Variants in DNM3 observed in about 807,000 individuals in gnomAD.
DNM3 encodes the protein dynamin-3.
Under a neutral mutation model 101.6 loss-of-function variants are expected in DNM3, and 47 were observed. The observed-to-expected ratio is 0.46, with a 90% CI of 0.37 to 0.59. The LOEUF (loss-of-function observed/expected upper bound fraction) is 0.59, where lower values mean the gene tolerates loss of function less well. Ranked by LOEUF, DNM3 falls within the 20% of genes least tolerant of loss-of-function variation. The probability of loss-of-function intolerance (pLI) is 0.00; values close to 1 mark genes in which losing one functional copy is unlikely to be tolerated. For missense variants in DNM3, 849 were observed against 1,085.7 expected, an observed-to-expected ratio of 0.78 and a Z score of 3.06; for synonymous variants, 385 against 387.9, an observed-to-expected ratio of 0.99 and a Z score of 0.09.
chr1:172,075,780 TTGTC>T (rs1436803100), intron 11 of DNM3, among the ~76,000 whole-genome samples: 1 of 152,238 alleles, frequency 6.6e-6, no homozygotes, highest in Non-Finnish European at 1.5e-5. Flanking sequence ...TTGCCTACGC[TTGTC>T]TTGGCTATAT....
At chr1:172,334,078 C>T (rs1389483788) in intron 17 of DNM3, among the ~76,000 whole-genome samples, 3 of 152,096 alleles carry the variant, frequency 2.0e-5, no homozygotes, top group African/African-American at 4.8e-5. Context: ...ATCAGCTTTT[C>T]GAAATAGTTC....
At chr1:172,413,617 ACT>A (rs149350871), downstream of DNM3, among the ~76,000 whole-genome samples, 47 of 152,142 alleles carry the variant, frequency 3.1e-4, no homozygotes, top group East Asian at 7.7e-3. Context: ...ATAGAGGAAG[ACT>A]CTCTATTACA....
At chr1:171,870,080 G>T (rs2035127066) in intron 1 of DNM3, among the ~76,000 whole-genome samples, 1 of 152,198 alleles carries the variant, frequency 6.6e-6, no homozygotes, top group Admixed American at 6.5e-5. Context: ...AACTATCCTT[G>T]CTCAGGGAAG....
intron 14 of DNM3, among the ~76,000 whole-genome samples, chr1:172,186,833 C>A (rs1329881857): frequency 2.6e-5 from 4 of 152,054 alleles, no homozygotes; most frequent in Non-Finnish European, 4.4e-5. Context: ...TAGGCTATTG[C>A]ACACATTCAC....
At chr1:172,255,171 C>T (rs1346886316) in intron 15 of DNM3, among the ~76,000 whole-genome samples, 1 of 152,140 alleles carries the variant, frequency 6.6e-6, no homozygotes, top group Admixed American at 6.6e-5. Flanking sequence ...GTACAACTAA[C>T]TCCCCTACCA....
intron 4 of DNM3, among the ~76,000 whole-genome samples, chr1:172,019,594 A>G (rs1360499614): frequency 6.6e-6 from 1 of 151,594 alleles, no homozygotes; most frequent in Non-Finnish European, 1.5e-5. Flanking sequence ...CTTCTTCTGC[A>G]TATGTTAAAC....
chr1:172,296,775 CTAAGTTATTTG>C (rs2064181517), intron 15 of DNM3, among the ~76,000 whole-genome samples: 1 of 152,066 alleles, frequency 6.6e-6, no homozygotes, highest in Admixed American at 6.5e-5. Context: ...TTCCCATTTC[CTAAGTTATTTG>C]TAGTACTGAG....
intron 4 of DNM3, among the ~76,000 whole-genome samples, chr1:172,001,395 G>A (rs1465658788): frequency 6.6e-6 from 1 of 151,942 alleles, no homozygotes; most frequent in Admixed American, 6.6e-5. Flanking sequence ...CACATTTCCT[G>A]TATGGAAAGC....
At chr1:171,987,453 A>C in intron 2 of DNM3, 1 of 613,576 alleles carries the variant, frequency 1.6e-6, no homozygotes, top group Non-Finnish European at 2.0e-6. Flanking sequence ...AAAATTGGCA[A>C]ATTTAGCATC....
chr1:172,061,619 A>G (rs1190433114), intron 10 of DNM3, among the ~76,000 whole-genome samples: 1 of 149,456 alleles, frequency 6.7e-6, no homozygotes, highest in Non-Finnish European at 1.5e-5. Context: ...AACACTGCAT[A>G]TTCTCACTCA....
At chr1:172,371,403 T>A (rs866248710) in intron 17 of DNM3, among the ~76,000 whole-genome samples, 2 of 152,154 alleles carry the variant, frequency 1.3e-5, no homozygotes, top group Middle Eastern at 3.4e-3. Flanking sequence ...AGGAACCTTC[T>A]GAATTCTTTT....
At chr1:172,053,874 TA>T (rs2050382412) in intron 10 of DNM3, among the ~76,000 whole-genome samples, 1 of 149,966 alleles carries the variant, frequency 6.7e-6, no homozygotes, top group Non-Finnish European at 1.5e-5. Flanking sequence ...TAATCCTAAT[TA>T]GAGTTGAGTC....
intron 9 of DNM3, among the ~76,000 whole-genome samples, chr1:172,045,917 G>C (rs928732148): frequency 1.3e-5 from 2 of 152,174 alleles, no homozygotes; most frequent in Non-Finnish European, 2.9e-5. Context: ...TATGATGCTT[G>C]AGTTATTTGT....
At chr1:172,119,136 G>T (rs2056130247) in intron 13 of DNM3, among the ~76,000 whole-genome samples, 1 of 151,884 alleles carries the variant, frequency 6.6e-6, no homozygotes, top group Non-Finnish European at 1.5e-5. Flanking sequence ...GGGATTACAG[G>T]CATGCACCAC....
chr1:172,264,549 A>G (rs561840996), intron 15 of DNM3, among the ~76,000 whole-genome samples: 2 of 152,282 alleles, frequency 1.3e-5, no homozygotes, highest in African/African-American at 4.8e-5. Flanking sequence ...ATTAATTTAG[A>G]ATAGATTTTC....
chr1:172,341,213 A>G (rs1421526627), intron 17 of DNM3, among the ~76,000 whole-genome samples: 1 of 152,216 alleles, frequency 6.6e-6, no homozygotes, highest in Non-Finnish European at 1.5e-5. Context: ...AGAATTACAA[A>G]ACACTGCTAA....
At chr1:172,293,172 T>C (rs1393549156) in intron 15 of DNM3, among the ~76,000 whole-genome samples, 3 of 152,264 alleles carry the variant, frequency 2.0e-5, no homozygotes, top group Non-Finnish European at 4.4e-5. Flanking sequence ...TGTTCAAAGA[T>C]GATTTTGAAA....
In DNM3 at chr1:172,188,423, G is replaced by T. The variant is rs536524892; in HGVS notation, c.1659+57135G>T. Among the ~76,000 whole-genome samples the T allele has an allele frequency of 7.2e-5, 11 of 152,186 alleles. No homozygotes were observed. In the South Asian group the frequency reaches 2.3e-3, roughly 32 times the overall value. On this transcript the variant is annotated intron_variant, in intron 14 of 20. Transcript: ENST00000627582. ...CTCTCTAACCAGGAATTGAACCTGG[G>T]CTGTCATGACGAAAGCACCAACTCC...
chr1:172,266,324 T>C (rs1052468213), intron 15 of DNM3, among the ~76,000 whole-genome samples: 2 of 152,106 alleles, frequency 1.3e-5, no homozygotes, highest in African/African-American at 4.8e-5. Flanking sequence ...CATGTCTCAA[T>C]TGGATATGGT....
Sources: gnomAD v4.1 joint callset for allele counts (sites outside exome capture counted in the v4.1 genomes callset) on GRCh38, gnomAD v4.1.1 for gene constraint, MANE v1.5 for transcripts, NCBI Gene and HGNC (gene_info 2026-07-23, HGNC 2026-07-21) for gene names.